SLC20A2: variants seen among roughly 807,000 people sequenced by gnomAD.
SLC20A2 encodes sodium-dependent phosphate transporter 2.
Under a neutral mutation model 61.0 loss-of-function variants are expected in SLC20A2, and 30 were observed. The observed-to-expected ratio is 0.49, with a 90% confidence interval of 0.37 to 0.67. The LOEUF (loss-of-function observed/expected upper bound fraction) is 0.67. Among genes scored for constraint, SLC20A2 ranks in the 30% least tolerant of loss-of-function variants. SLC20A2 has a pLI of 0.00. For missense variants in SLC20A2, 626 were observed against 866.4 expected (o/e 0.72, Z 3.48); for synonymous variants, 351 against 353.3 (o/e 0.99, Z 0.07).
intron 1 of SLC20A2, among the ~76,000 whole-genome samples, chr8:42,533,440 AC>A (rs1812467471): frequency 6.6e-6 from 1 of 151,914 alleles, no homozygotes; most frequent in Non-Finnish European, 1.5e-5. Context: ...ACATGGTGAA[AC>A]CCCGTCTCTA....
intron 1 of SLC20A2, among the ~76,000 whole-genome samples, chr8:42,491,670 C>CAA (rs955300438): frequency 7.0e-6 from 1 of 142,568 alleles, no homozygotes; most frequent in Admixed American, 7.0e-5. Flanking sequence ...GACTCCATCT[C>CAA]AAAAAAAAAA....
chr8:42,515,496 C>T (rs1426282225), intron 1 of SLC20A2, among the ~76,000 whole-genome samples: 2 of 152,110 alleles, frequency 1.3e-5, no homozygotes, highest in East Asian at 1.9e-4. Flanking sequence ...CTCCAGGTGC[C>T]GGCGCTGTGC....
At chr8:42,451,148 G>A (rs944224365) in intron 5 of SLC20A2, among the ~76,000 whole-genome samples, 6 of 151,996 alleles carry the variant, frequency 3.9e-5, no homozygotes, top group East Asian at 1.9e-4. Flanking sequence ...GAGGAACAGG[G>A]GGAGGAGGAA....
chr8:42,430,032 C>T, intron 9 of SLC20A2, 32 bp downstream of exon 9: 2 of 1,579,206 alleles, frequency 1.3e-6, no homozygotes, highest in Non-Finnish European at 1.7e-6. Flanking sequence ...GATGACAAGA[C>T]CTGCCCTGCT....
chr8:42,434,253 A>C (rs1804072593), intron 8 of SLC20A2, among the ~76,000 whole-genome samples: 1 of 152,022 alleles, frequency 6.6e-6, no homozygotes, highest in Non-Finnish European at 1.5e-5. Context: ...GGCCCAGCTA[A>C]TTTTTGTATT....
rs1811592022 is a variant in SLC20A2 at position 42,520,697 on chromosome 8, G to A, written c.-265+21124C>T. ...GCTGAGATCATGCCACTGCACTCCA[G>A]CCTGGGTGACAGAGCAAGACTCCAC... On this transcript the variant is annotated intron_variant, in intron 1 of 10. Transcript: ENST00000342228. 1.7e-5 allele frequency among the ~76,000 whole-genome samples: 2 copies of A among 115,310 alleles called. 1 individual carries two copies. The highest frequency in any genetic ancestry group is 4.1e-5 in the Non-Finnish European group (2 of 48,300). The allele number at this position is 115,310 out of a possible 152,430, so 75.6% of individuals were successfully genotyped here.
At chr8:42,446,150 T>A (rs1805197012) in intron 5 of SLC20A2, among the ~76,000 whole-genome samples, 1 of 152,188 alleles carries the variant, frequency 6.6e-6, no homozygotes, top group Non-Finnish European at 1.5e-5. Flanking sequence ...GACACTGACC[T>A]TCAATTCTAA....
intron 5 of SLC20A2, among the ~76,000 whole-genome samples, chr8:42,450,590 C>T (rs928686166): frequency 2.6e-5 from 4 of 151,932 alleles, no homozygotes; most frequent in African/African-American, 7.3e-5. Flanking sequence ...GTGGCTCAAT[C>T]TCCACTCACT....
intron 2 of SLC20A2, among the ~76,000 whole-genome samples, chr8:42,468,829 T>C (rs1434427502): frequency 6.6e-6 from 1 of 152,110 alleles, no homozygotes; most frequent in Non-Finnish European, 1.5e-5. Context: ...AGCTGGCTCG[T>C]TTGTGCTAGT....
intron 1 of SLC20A2, among the ~76,000 whole-genome samples, chr8:42,514,951 A>G (rs1251065998): frequency 1.3e-5 from 2 of 152,068 alleles, no homozygotes; most frequent in Non-Finnish European, 2.9e-5. Flanking sequence ...TTCAGTGGGG[A>G]AAAAAAGAGG....
At chr8:42,533,150 A>G (rs951791400) in intron 1 of SLC20A2, among the ~76,000 whole-genome samples, 2 of 152,084 alleles carry the variant, frequency 1.3e-5, no homozygotes, top group African/African-American at 4.8e-5. Flanking sequence ...TCCTTTGTTT[A>G]TATTTCTTCC....
intron 1 of SLC20A2, among the ~76,000 whole-genome samples, chr8:42,525,018 T>C (rs1811831049): frequency 6.6e-6 from 1 of 152,186 alleles, no homozygotes; most frequent in Admixed American, 6.5e-5. Flanking sequence ...AATGCTGTTT[T>C]GTTTTTTTCT....
chr8:42,466,002 C>T (rs1807130708), intron 2 of SLC20A2, 85 bp from the exon 3 acceptor site: 1 of 1,186,784 alleles, frequency 8.4e-7, no homozygotes, highest in Non-Finnish European at 1.2e-6. Context: ...TTTTCCATAA[C>T]AACATCTCCC....
Position 42,436,863 on chromosome 8 carries a change from C to T in SLC20A2, c.1523+126G>A, listed in dbSNP as rs551447872. 1.0e-4 allele frequency: 84 copies of T among 826,220 alleles called. No individual in the cohort carries two copies. The Middle Eastern group carries it at 1.1e-3, about 11-fold the overall frequency. 51.2% of individuals were successfully genotyped at this position (826,220 alleles called of 1,614,324 possible). A position where few individuals can be genotyped will look rare whatever the true frequency, so the allele number is the denominator to read the frequency against. Reference sequence around the variant, plus strand: ...GACTTATGGGTCTGTCCACCGCCTGCGCACCCCTATCCCTGGCAGGGACTT... The same window carrying T: ...GACTTATGGGTCTGTCCACCGCCTGTGCACCCCTATCCCTGGCAGGGACTT... On this transcript the variant is annotated intron_variant, in intron 8 of 10. Transcript: ENST00000520262.
At chr8:42,464,560 A>G (rs1455088223) in intron 3 of SLC20A2, among the ~76,000 whole-genome samples, 1 of 152,120 alleles carries the variant, frequency 6.6e-6, no homozygotes. Context: ...TCAGTCTAAC[A>G]CATTTCTTAC....
At chr8:42,434,632 T>G (rs955883967) in intron 8 of SLC20A2, among the ~76,000 whole-genome samples, 1 of 152,016 alleles carries the variant, frequency 6.6e-6, no homozygotes, top group African/African-American at 2.4e-5. Flanking sequence ...AGAGACAGGG[T>G]GGGATAGGCC....
rs867894369 is a variant in SLC20A2, at chr8:42,487,109, C to G, written c.-265+13922G>C. Reference sequence around the variant, plus strand: ...GGAACTCCTGACCTCAAGTGATCCACCCACCTTGGCCTCCCAAAGTGCTGG... The same window carrying G: ...GGAACTCCTGACCTCAAGTGATCCAGCCACCTTGGCCTCCCAAAGTGCTGG... On this transcript the variant is annotated intron_variant, in intron 1 of 10. Coordinates refer to ENST00000520262, the MANE Select transcript of SLC20A2 (RefSeq NM_001257180.2). Among the ~76,000 whole-genome samples the G allele has an allele frequency of 2.0e-5, 3 of 151,868 alleles. No homozygotes were observed. In the South Asian group the frequency reaches 6.2e-4, roughly 32 times the overall value.
intron 1 of SLC20A2, among the ~76,000 whole-genome samples, chr8:42,528,668 A>AT (rs1228904865): frequency 6.6e-6 from 1 of 151,592 alleles, no homozygotes; most frequent in African/African-American, 2.4e-5. Context: ...GTCCTATTTT[A>AT]TTTTTTTAAT....
chr8:42,471,846 T>C (rs1014995874), intron 2 of SLC20A2, among the ~76,000 whole-genome samples: 1 of 152,244 alleles, frequency 6.6e-6, no homozygotes, highest in Non-Finnish European at 1.5e-5. Context: ...TTCTGAAAAG[T>C]ATTCACTTAG....
Sources: gnomAD v4.1 joint callset for allele counts (sites outside exome capture counted in the v4.1 genomes callset) on GRCh38, gnomAD v4.1.1 for gene constraint, MANE v1.5 for transcripts, NCBI Gene and HGNC (gene_info 2026-07-23, HGNC 2026-07-21) for gene names.